Variants in UST observed in about 807,000 individuals in gnomAD.
UST encodes uronyl 2-sulfotransferase.
Under a neutral mutation model 45.6 loss-of-function variants are expected in UST, and 21 were observed. The observed-to-expected ratio is 0.46, with a 90% confidence interval of 0.33 to 0.66. The LOEUF (loss-of-function observed/expected upper bound fraction) is 0.66, where lower values mean the gene tolerates loss of function less well. Ranked by LOEUF, UST falls within the 30% of genes least tolerant of loss-of-function variation. The probability of loss-of-function intolerance (pLI) is 0.02; values close to 1 mark genes in which losing one functional copy is unlikely to be tolerated. For missense variants in UST, 463 were observed against 512.4 expected, an observed-to-expected ratio of 0.90 and a Z score of 0.93; for synonymous variants, 215 against 200.6, an observed-to-expected ratio of 1.07 and a Z score of -0.61.
At position 149,074,011 on chromosome 6, in the gene UST, C is replaced by G. The variant is rs371227367; in HGVS notation, c.1116C>G (p.Pro372=). ...FGLKSHVSKP[P]LRPHFFIPTP... is the part of the protein sequence containing the mutation. ...TTAAGTCTCACGTCAGCAAGCCCCC[C>G]CTGAGGCCACACTTCTTTATCCCAA... Residue 372 remains proline (P), a synonymous_variant, in exon 8 of 8, where the codon CCC becomes CCG. Transcript: ENST00000367463. The G allele has an allele frequency of 5.1e-5, 83 of 1,614,186 alleles. No individual in the cohort carries two copies. Among genetic ancestry groups the G allele is most frequent in the Middle Eastern group, 4.9e-4 (3 of 6,062 alleles).
At chr6:148,766,430 C>T (rs1192624537) in intron 1 of UST, among the ~76,000 whole-genome samples, 1 of 152,010 alleles carries the variant, frequency 6.6e-6, no homozygotes, top group East Asian at 1.9e-4. Context: ...TGGCAGTCTT[C>T]CTCTGTTTTC....
chr6:148,953,342 C>T lies in UST; in HGVS notation c.448-530C>T, dbSNP rs747394706. ...CCAGTCAAAATTACTTAATCTGTCA[C>T]GTTGCTTTCATGGTAACAATCAACT... On this transcript the variant is annotated intron_variant, in intron 3 of 7. Transcript: ENST00000367463. Among the ~76,000 whole-genome samples the T allele has an allele frequency of 3.5e-4, 54 of 152,182 alleles. 1 individual carries two copies. The highest frequency in any genetic ancestry group is 2.4e-4 in the Non-Finnish European group (16 of 68,036).
intron 1 of UST, among the ~76,000 whole-genome samples, chr6:148,758,577 G>A (rs901923504): frequency 4.6e-5 from 7 of 152,158 alleles, no homozygotes. Flanking sequence ...CATTCATGAC[G>A]AAACTACCAC....
chr6:148,916,562 A>G (rs1379333599), intron 2 of UST, among the ~76,000 whole-genome samples: 1 of 152,180 alleles, frequency 6.6e-6, no homozygotes, highest in Non-Finnish European at 1.5e-5. Context: ...TTAGCCCAGG[A>G]AGCTGAGGGC....
chr6:148,767,604 G>A (rs1263276945), intron 1 of UST, among the ~76,000 whole-genome samples: 1 of 151,642 alleles, frequency 6.6e-6, no homozygotes, highest in Non-Finnish European at 1.5e-5. Flanking sequence ...TTTTTTTATA[G>A]CCAGAGAAAA....
At chr6:148,840,278 G>C (rs1215677439) in intron 1 of UST, among the ~76,000 whole-genome samples, 1 of 152,124 alleles carries the variant, frequency 6.6e-6, no homozygotes, top group Non-Finnish European at 1.5e-5. Flanking sequence ...GGAACCACTG[G>C]AGCCAGGTTT....
intron 1 of UST, among the ~76,000 whole-genome samples, chr6:148,877,713 A>G: frequency 6.3e-5 from 4 of 63,066 alleles, no homozygotes; most frequent in Non-Finnish European, 8.3e-5. Flanking sequence ...GGGGTCGTGT[A>G]TGAGTGGGGT....
chr6:148,908,862 T>C (rs1779419522), intron 2 of UST, among the ~76,000 whole-genome samples: 1 of 152,220 alleles, frequency 6.6e-6, no homozygotes, highest in South Asian at 2.1e-4. Flanking sequence ...ATGATAAACC[T>C]GAATCATCCA....
At chr6:149,007,861 ATTTCATTT>A (rs1447476957) in intron 5 of UST, among the ~76,000 whole-genome samples, 3 of 152,020 alleles carry the variant, frequency 2.0e-5, no homozygotes, top group Non-Finnish European at 4.4e-5. Flanking sequence ...ACATTTTTGT[ATTTCATTT>A]TTCTTTCTAA....
chr6:148,945,068 CA>C (rs1162791242), intron 3 of UST, among the ~76,000 whole-genome samples: 3 of 152,136 alleles, frequency 2.0e-5, no homozygotes, highest in Non-Finnish European at 4.4e-5. Flanking sequence ...TAAAGAAAAG[CA>C]AAAGTTACCA....
intron 7 of UST, among the ~76,000 whole-genome samples, chr6:149,055,723 A>G (rs112893150): frequency 1.1e-4 from 17 of 151,952 alleles, no homozygotes; most frequent in Non-Finnish European, 2.9e-5. Context: ...TATCACTCCC[A>G]CCCATGTCTT....
intron 7 of UST, among the ~76,000 whole-genome samples, chr6:149,070,659 C>T (rs1404285639): frequency 1.3e-5 from 2 of 152,152 alleles, no homozygotes; most frequent in Non-Finnish European, 2.9e-5. Flanking sequence ...TGTTTTGATA[C>T]AGGCATGCAA....
At position 148,783,086 on chromosome 6, in the gene UST, G is replaced by A. The variant is rs145109745; in HGVS notation, c.247+35409G>A. On this transcript the variant is annotated intron_variant, in intron 1 of 7. Coordinates refer to ENST00000367463, the MANE Select transcript of UST (RefSeq NM_005715.3). ...CAACCATCACCCTGATCCATTAGCA[G>A]TCACCAACATCGAGACAAGACCCTC... Among the ~76,000 whole-genome samples the A allele has an allele frequency of 3.3e-5, 5 of 152,332 alleles. No homozygotes were observed. In the East Asian group the frequency reaches 9.6e-4, roughly 29 times the overall value.
intron 1 of UST, among the ~76,000 whole-genome samples, chr6:148,850,741 T>C (rs1245512071): frequency 1.3e-5 from 2 of 152,166 alleles, no homozygotes; most frequent in African/African-American, 4.8e-5. Context: ...TGGAAAGAGA[T>C]GAGCAGTTTC....
chr6:148,991,188 A>G (rs1305409038), intron 5 of UST, among the ~76,000 whole-genome samples: 1 of 152,218 alleles, frequency 6.6e-6, no homozygotes, highest in African/African-American at 2.4e-5. Context: ...AGATCCCCAC[A>G]AAAAGTTCAT....
chr6:148,990,873 C>T (rs368985015), intron 5 of UST, among the ~76,000 whole-genome samples: 7 of 152,162 alleles, frequency 4.6e-5, no homozygotes, highest in African/African-American at 1.4e-4. Context: ...CACGTAGACT[C>T]AGTAAGACTT....
intron 4 of UST, among the ~76,000 whole-genome samples, chr6:148,957,238 G>A (rs1780533672): frequency 6.6e-6 from 1 of 152,200 alleles, no homozygotes; most frequent in Non-Finnish European, 1.5e-5. Context: ...TGGGCCCTTA[G>A]CTACCAGCCT....
At chr6:149,036,258 A>G (rs1776239297) in intron 7 of UST, among the ~76,000 whole-genome samples, 1 of 152,198 alleles carries the variant, frequency 6.6e-6, no homozygotes. Flanking sequence ...GGGGACACCC[A>G]GTGGTACTCC....
At chr6:148,888,438 A>G (rs555372478) in intron 2 of UST, among the ~76,000 whole-genome samples, 1 of 152,344 alleles carries the variant, frequency 6.6e-6, no homozygotes, top group Admixed American at 6.5e-5. Context: ...ATTCATGAGC[A>G]TGAACTTTGG....
Sources: allele counts gnomAD v4.1 joint callset (sites outside exome capture counted in the v4.1 genomes callset), GRCh38; gene constraint gnomAD v4.1.1; transcripts MANE v1.5; gene names NCBI Gene and HGNC (gene_info 2026-07-23, HGNC 2026-07-21).